EP300: variants seen among roughly 807,000 people sequenced by gnomAD.
EP300 encodes the protein EP300 lysine acetyltransferase, also known as histone acetyltransferase p300.
Under a neutral mutation model 264.0 loss-of-function variants are expected in EP300, and 31 were observed. The observed-to-expected ratio is 0.12, with a 90% CI of 0.09 to 0.16. EP300 has a LOEUF of 0.16. EP300 is among the 10% of genes least tolerant of loss of function. The pLI is 1.00. For synonymous variants in EP300, 1,340 were observed against 1,045.4 expected, an observed-to-expected ratio of 1.28 and a Z score of -5.44; for missense variants, 2,766 against 3,052.9, an observed-to-expected ratio of 0.91 and a Z score of 2.21.
chr22:41,106,332 C>T (rs1236300004), intron 1 of EP300, among the ~76,000 whole-genome samples: 1 of 152,140 alleles, frequency 6.6e-6, no homozygotes, highest in African/African-American at 2.4e-5. Context: ...ATTAGAATGA[C>T]TAATGTTATG....
chr22:41,174,158 G>A (rs2052989724), intron 29 of EP300, among the ~76,000 whole-genome samples: 1 of 151,650 alleles, frequency 6.6e-6, no homozygotes, highest in Non-Finnish European at 1.5e-5. Flanking sequence ...TTCGCTGGGC[G>A]TGGTGGCTCA....
rs1470973604 is a variant in EP300 at position 41,119,191 on chromosome 22, T to A, written c.729+1370T>A. ...CTTATTATTATTTTTTTTTTTTTTT[T>A]TTTTTTTTTTAAGAGATGGGGTCTC... On this transcript the variant is annotated intron_variant, in intron 2 of 30. Transcript: ENST00000263253. Among the ~76,000 whole-genome samples the A allele has an allele frequency of 2.5e-4, 36 of 144,750 alleles. No homozygotes were observed. In the East Asian group the frequency reaches 4.7e-3, roughly 19 times the overall value. The allele number at this position is 144,750 out of a possible 152,430, so 95.0% of individuals were successfully genotyped here. A position where few individuals can be genotyped will look rare whatever the true frequency, so the allele number is the denominator to read the frequency against.
chr22:41,150,985 T>C (rs2059041067), intron 14 of EP300, among the ~76,000 whole-genome samples: 1 of 152,078 alleles, frequency 6.6e-6, no homozygotes, highest in Non-Finnish European at 1.5e-5. Flanking sequence ...GAACAACCTG[T>C]AGCTTCCTTG....
intron 12 of EP300, 90 bp from the exon 13 acceptor site, chr22:41,148,948 G>A (rs2145735448): frequency 6.3e-7 from 1 of 1,579,584 alleles, no homozygotes; most frequent in South Asian, 1.1e-5. Flanking sequence ...TACTTAATAA[G>A]CCTGACGTTA....
chr22:41,178,808 G>A lies in EP300; in HGVS notation c.7097G>A (p.Ser2366Asn), dbSNP rs1042242121. ...ANPMEQGHFA[S>N]PDQNSMLSQL... The stretch of plus-strand genomic sequence containing the variant: ...CCCATGGAACAAGGGCATTTTGCCA[G>A]CCCGGACCAGAATTCAATGCTTTCT... The change falls in exon 31 of 31, where the codon AGC becomes AAC. Residue 2366 changes from serine (S) to asparagine (N), a missense_variant. Transcript: ENST00000263253. The A allele has an allele frequency of 6.2e-7, 1 of 1,614,152 alleles. No homozygotes were observed. Among genetic ancestry groups the A allele is most frequent in the African/African-American group, 1.3e-5 (1 of 75,030 alleles).
rs1375484182 is a variant in EP300, at chr22:41,151,930, C to T, written c.2915C>T (p.Pro972Leu). The T allele has an allele frequency of 1.2e-6, 2 of 1,613,996 alleles. No homozygotes were observed. Among genetic ancestry groups the T allele is most frequent in the East Asian group, 2.2e-5 (1 of 44,898 alleles). ...VNSQAIAEKQPSQEVKMEAKM... is the reference protein window; with the variant it reads ...VNSQAIAEKQLSQEVKMEAKM... The stretch of plus-strand genomic sequence containing the variant: ...TCTCAGGCCATTGCTGAGAAGCAGC[C>T]TTCCCAGGAAGTGAAGATGGAGGCC... Residue 972 changes from proline to leucine, a missense_variant, in exon 15 of 31, where the codon CCT becomes CTT. By Grantham distance (98) the Pro-to-Leu change is moderately conservative. Transcript: ENST00000263253.
chr22:41,153,674 C>T (rs559755697), intron 16 of EP300, among the ~76,000 whole-genome samples: 16 of 152,184 alleles, frequency 1.1e-4, no homozygotes, highest in East Asian at 5.8e-4. Context: ...CACTTGAACC[C>T]GGGAGATGGA....
chr22:41,146,454 A>G (rs1437150845), intron 10 of EP300: 1 of 407,828 alleles, frequency 2.5e-6, no homozygotes, highest in South Asian at 2.2e-5. Context: ...GGCGTGAGCC[A>G]CTGTGCCTGG....
At chr22:41,111,704 C>T (rs1039886660) in intron 1 of EP300, among the ~76,000 whole-genome samples, 1 of 151,478 alleles carries the variant, frequency 6.6e-6, no homozygotes, top group Non-Finnish European at 1.5e-5. Context: ...CCACGTACCG[C>T]TAATTTTGTA....
intron 23 of EP300, among the ~76,000 whole-genome samples, chr22:41,167,826 G>GTTTTTTTTTTTTTTTTTTTTTTTTTTT (rs1192332279): frequency 1.2e-4 from 4 of 32,186 alleles, no homozygotes; most frequent in Non-Finnish European, 1.5e-4. Flanking sequence ...TTTTTTTTTT[G>GTTTTTTTTTTTTTTTTTTTTTTTTTTT]TTTTTTTTTT....
chr22:41,124,651 AAAG>A lies in EP300; in HGVS notation c.730-1201_730-1199del, dbSNP rs375609066. Reference sequence around the variant, plus strand: ...GTCTCTATTTTTTAATAGTCAAAAAAAAGAAGAAGAAGAAAACATTCAAATGCT... The same window carrying A: ...GTCTCTATTTTTTAATAGTCAAAAAAAAGAAGAAGAAAACATTCAAATGCT... On this transcript the variant is annotated intron_variant, in intron 2 of 30. Coordinates refer to ENST00000263253, the MANE Select transcript of EP300 (RefSeq NM_001429.4). Among the ~76,000 whole-genome samples, 26 of 152,288 alleles carry A rather than the reference AAAG, an allele frequency of 1.7e-4. 1 individual carries two copies. The East Asian group carries it at 1.7e-3, about 10-fold the overall frequency.
At position 41,137,664 on chromosome 22, in the gene EP300, G is replaced by T. The variant is rs547550163; in HGVS notation, c.1634G>T (p.Ser545Ile). The T allele has an allele frequency of 4.3e-6, 7 of 1,614,126 alleles. No individual in the cohort carries two copies. Among genetic ancestry groups the T allele is most frequent in the African/African-American group, 2.7e-5 (2 of 75,022 alleles). ...SAINSQNPMM[S>I]ENASVPSLGP... ...ACCCCTTTTTGAAGCCCAATGATGA[G>T]TGAAAATGCCAGTGTGCCCTCCCTG... The change falls in exon 8 of 31, where the codon AGT becomes ATT. Residue 545 changes from serine to isoleucine, a missense_variant. Coordinates refer to ENST00000263253, the MANE Select transcript of EP300 (RefSeq NM_001429.4).
intron 2 of EP300, among the ~76,000 whole-genome samples, chr22:41,125,112 CT>C (rs930135062): frequency 0.15 from 12,186 of 80,610 alleles, 386 homozygotes; most frequent in Admixed American, 0.23. Context: ...CTTTTCTTTC[CT>C]TTTTTTTTTT....
intron 10 of EP300, among the ~76,000 whole-genome samples, chr22:41,142,292 G>C (rs2058987081): frequency 6.6e-6 from 1 of 152,150 alleles, no homozygotes; most frequent in African/African-American, 2.4e-5. Flanking sequence ...GATTATAGGT[G>C]GGCTGAGAAG....
intron 1 of EP300, among the ~76,000 whole-genome samples, chr22:41,094,233 G>A (rs990492506): frequency 1.3e-5 from 2 of 152,160 alleles, no homozygotes; most frequent in Non-Finnish European, 2.9e-5. Flanking sequence ...TTACTACGGA[G>A]CATCTCTTTA....
At position 41,134,596 on chromosome 22, in the gene EP300, T is replaced by C. The variant is rs537476737; in HGVS notation, c.1529-1217T>C. ...GTTTTGTAGAGACAGGGTTTCGCCA[T>C]GTGGCCCAGGCTGGTCTTGAACTCC... On this transcript the variant is annotated intron_variant, in intron 6 of 30. Transcript: ENST00000263253. Among the ~76,000 whole-genome samples the C allele has an allele frequency of 3.0e-4, 45 of 152,320 alleles. 1 individual carries two copies. The highest frequency in any genetic ancestry group is 1.1e-3 in the African/African-American group (45 of 41,574).
intron 23 of EP300, among the ~76,000 whole-genome samples, chr22:41,167,730 C>G (rs1484421329): frequency 1.4e-5 from 2 of 143,628 alleles, no homozygotes; most frequent in Admixed American, 7.1e-5. Context: ...GCAATCCTCC[C>G]ACCTCAGCCT....
chr22:41,124,317 CTTAA>C lies in EP300; in HGVS notation c.730-1545_730-1542del, dbSNP rs376044397. 7.9e-4 allele frequency among the ~76,000 whole-genome samples: 121 copies of C among 152,254 alleles called. 3 individuals are homozygous for C. In the East Asian group the frequency reaches 0.019, roughly 24 times the overall value. ...GCCAAGCAGGTGACTTAGCAGGTGACTTAATAGAGCAGCTAGGTTTAAAACAGCA... is the reference window on the plus strand; with the variant it reads ...GCCAAGCAGGTGACTTAGCAGGTGACTAGAGCAGCTAGGTTTAAAACAGCA... On this transcript the variant is annotated intron_variant, in intron 2 of 30. Coordinates refer to ENST00000263253, the MANE Select transcript of EP300 (RefSeq NM_001429.4).
intron 6 of EP300, among the ~76,000 whole-genome samples, chr22:41,134,664 G>A (rs997518842): frequency 1.3e-5 from 2 of 152,152 alleles, no homozygotes; most frequent in Non-Finnish European, 2.9e-5. Flanking sequence ...AAAGCAGTTT[G>A]TGTTTTTCGT....
Sources: allele counts gnomAD v4.1 joint callset (sites outside exome capture counted in the v4.1 genomes callset), GRCh38; gene constraint gnomAD v4.1.1; transcripts MANE v1.5; gene names NCBI Gene and HGNC (gene_info 2026-07-23, HGNC 2026-07-21).